PVT1: variants seen among roughly 807,000 people sequenced by gnomAD.
PVT1 encodes the protein CXCR4/PVT1 fusion.
At chr8:127,885,687 A>G (rs531779859) in intron 2 of PVT1, among the ~76,000 whole-genome samples, 1 of 152,266 alleles carries the variant, frequency 6.6e-6, no homozygotes, top group East Asian at 1.9e-4. Flanking sequence ...AACATTCAAA[A>G]CATCATACAA....
chr8:127,934,562 TC>T (rs1563643647), intron 3 of PVT1, among the ~76,000 whole-genome samples: 1 of 152,176 alleles, frequency 6.6e-6, no homozygotes, highest in African/African-American at 2.4e-5. Flanking sequence ...CCCAGAATGG[TC>T]TTAGGTCAGG....
rs1444656195 is a variant in PVT1, at chr8:127,914,249, A to G, written n.782+23251A>G. 1.1e-4 allele frequency among the ~76,000 whole-genome samples: 14 copies of G among 123,106 alleles called. No individual in the cohort carries two copies. In the Admixed American group the frequency reaches 1.5e-3, roughly 13 times the overall value. The allele number at this position is 123,106 out of a possible 152,430, so 80.8% of individuals were successfully genotyped here. ...AGGATGGCTGTAATTAAACACCACC[A>G]CCACCAACAGCAAAAAAAAAAAAAA... On this transcript the variant is annotated intron_variant and non_coding_transcript_variant, in intron 3 of 10. Coordinates refer to ENST00000651587, the Ensembl canonical transcript of PVT1.
Position 127,889,035 on chromosome 8 carries a change from T to C in PVT1, n.373-1554T>C, listed in dbSNP as rs1046079066. 7.0e-3 allele frequency among the ~76,000 whole-genome samples: 700 copies of C among 100,488 alleles called. 15 individuals carry two copies. The highest frequency in any genetic ancestry group is 0.022 in the African/African-American group (626 of 28,376). 65.9% of individuals were successfully genotyped at this position (100,488 alleles called of 152,430 possible). A position where few individuals can be genotyped will look rare whatever the true frequency, so the allele number is the denominator to read the frequency against. On this transcript the variant is annotated intron_variant and non_coding_transcript_variant, in intron 2 of 10. Transcript: ENST00000651587. ...TCAAACCCCTTTTCCTTTCTCTCTT[T>C]CTTTCTTCCTTCCTTCCTTCCTTCC...
At chr8:128,045,474 G>A (rs1813599788) in intron 4 of PVT1, among the ~76,000 whole-genome samples, 1 of 152,188 alleles carries the variant, frequency 6.6e-6, no homozygotes, top group South Asian at 2.1e-4. Flanking sequence ...AGAAACTGAT[G>A]CATAAGTGTT....
intron 3 of PVT1, among the ~76,000 whole-genome samples, chr8:127,899,527 G>T (rs1362046739): frequency 6.6e-6 from 1 of 152,198 alleles, no homozygotes; most frequent in African/African-American, 2.4e-5. Context: ...TCACGCGCTT[G>T]TTGAGATGAC....
intron 4 of PVT1, among the ~76,000 whole-genome samples, chr8:128,062,328 G>A (rs935620289): frequency 8.5e-5 from 13 of 152,176 alleles, no homozygotes; most frequent in African/African-American, 3.1e-4. Flanking sequence ...TTTGTTTAGT[G>A]TGTTTCTGAA....
chr8:128,052,441 C>A (rs531515046), intron 4 of PVT1, among the ~76,000 whole-genome samples: 16 of 152,118 alleles, frequency 1.1e-4, no homozygotes, highest in Non-Finnish European at 2.2e-4. Context: ...CTTTTCAATG[C>A]ATCTTTTATT....
chr8:128,022,601 T>C (rs1213462374), intron 4 of PVT1, among the ~76,000 whole-genome samples: 1 of 152,184 alleles, frequency 6.6e-6, no homozygotes, highest in Non-Finnish European at 1.5e-5. Flanking sequence ...TCTTGCTGCC[T>C]CTCCTTTGTA....
chr8:128,079,716 G>C (rs1230547603), intron 5 of PVT1, among the ~76,000 whole-genome samples: 1 of 151,948 alleles, frequency 6.6e-6, no homozygotes, highest in Non-Finnish European at 1.5e-5. Flanking sequence ...ATAGGATATA[G>C]CCTTTTCTTT....
intron 3 of PVT1, among the ~76,000 whole-genome samples, chr8:127,927,120 GCCAGGCAC>G (rs1315413039): frequency 3.3e-5 from 5 of 152,214 alleles, no homozygotes; most frequent in Admixed American, 6.5e-5. Flanking sequence ...TTGCTCAGGA[GCCAGGCAC>G]TCAGTTGTGG....
intron 2 of PVT1, among the ~76,000 whole-genome samples, chr8:127,837,112 G>T (rs1324504393): frequency 2.0e-5 from 3 of 152,278 alleles, no homozygotes; most frequent in East Asian, 3.9e-4. Flanking sequence ...TCTTGTTCAT[G>T]ACTGACAAAC....
At chr8:127,889,748 G>C (rs1266637429) in intron 2 of PVT1, among the ~76,000 whole-genome samples, 3 of 152,106 alleles carry the variant, frequency 2.0e-5, no homozygotes, top group African/African-American at 7.2e-5. Context: ...ATGGTTGTTT[G>C]TTCCTCCACT....
At chr8:127,864,182 G>A (rs186699388) in intron 2 of PVT1, among the ~76,000 whole-genome samples, 6 of 152,292 alleles carry the variant, frequency 3.9e-5, no homozygotes, top group Non-Finnish European at 8.8e-5. Context: ...AGGAAAGAAA[G>A]GTTACGTGGG....
intron 2 of PVT1, among the ~76,000 whole-genome samples, chr8:127,833,549 G>A (rs1814877331): frequency 6.6e-6 from 1 of 152,028 alleles, no homozygotes; most frequent in Admixed American, 6.6e-5. Context: ...AGCTTCCTGG[G>A]CTTAAGTAAT....
chr8:127,853,374 C>T (rs1013235393), intron 2 of PVT1, among the ~76,000 whole-genome samples: 8 of 152,074 alleles, frequency 5.3e-5, no homozygotes, highest in African/African-American at 1.2e-4. Context: ...AGGCCCCCCA[C>T]GAGTGAGTTT....
chr8:127,957,839 G>T lies in PVT1; in HGVS notation n.783-31323G>T, dbSNP rs2129938958. ...CAAGGTGCACACAGGCATGCGCATG[G>T]CGGGGAGGTGTGGGTGCACTTTCCA... On this transcript the variant is annotated intron_variant and non_coding_transcript_variant, in intron 3 of 10. Coordinates refer to ENST00000651587, the Ensembl canonical transcript of PVT1. Among the ~76,000 whole-genome samples, 2 of 152,384 alleles carry T rather than the reference G, an allele frequency of 1.3e-5. 1 individual carries two copies. Among genetic ancestry groups the T allele is most frequent in the South Asian group, 4.1e-4 (2 of 4,830 alleles).
In PVT1 at chr8:128,080,035, G is replaced by T. The variant is rs147397314; in HGVS notation, n.1114+9674G>T. The stretch of plus-strand genomic sequence containing the variant: ...CTTTCACTTAGTAATATGCATTTAA[G>T]GTCCCTCCATGTCTTTTCATAGCTT... On this transcript the variant is annotated intron_variant and non_coding_transcript_variant, in intron 5 of 10. Transcript: ENST00000651587. Among the ~76,000 whole-genome samples the T allele has an allele frequency of 5.9e-5, 9 of 152,262 alleles. No homozygotes were observed. The East Asian group carries it at 9.6e-4, about 16-fold the overall frequency.
At chr8:127,802,307 A>C (rs113830436) in intron 2 of PVT1, among the ~76,000 whole-genome samples, 2 of 152,022 alleles carry the variant, frequency 1.3e-5, no homozygotes, top group Non-Finnish European at 2.9e-5. Context: ...TCGACCTCCC[A>C]GGCTCAGGTG....
At chr8:127,890,797 G>A (rs1354911453) in exon 3 of PVT1, 1 of 152,282 alleles carries the variant, frequency 6.6e-6, no homozygotes, top group South Asian at 2.1e-4. Flanking sequence ...TTTAAGGGAG[G>A]CTGTGGCTGA....
Sources: gnomAD v4.1 joint callset for allele counts (sites outside exome capture counted in the v4.1 genomes callset) on GRCh38, gnomAD v4.1.1 for gene constraint, MANE v1.5 for transcripts, NCBI Gene and HGNC (gene_info 2026-07-23, HGNC 2026-07-21) for gene names.